The following TTC6 variants were observed in gnomAD, a reference collection of about 807,000 sequenced individuals.
TTC6 encodes tetratricopeptide repeat domain 6.
In TTC6, 172 loss-of-function variants were observed where a neutral mutation model predicts 210.4. The ratio of observed to expected loss-of-function variants is 0.82; its 90% CI spans 0.72 to 0.93. The LOEUF is 0.93. Ranked by LOEUF, TTC6 falls within the 40% of genes least tolerant of loss-of-function variation. The pLI, the probability that TTC6 is intolerant of heterozygous loss-of-function variation, is 0.00. For synonymous variants in TTC6, 804 were observed against 819.6 expected, an observed-to-expected ratio of 0.98 and a Z score of 0.32; for missense variants, 2,414 against 2,318.1, an observed-to-expected ratio of 1.04 and a Z score of -0.85.
At chr14:37,734,682 A>G (rs1365736556) in intron 7 of TTC6, among the ~76,000 whole-genome samples, 1 of 152,072 alleles carries the variant, frequency 6.6e-6, no homozygotes, top group Non-Finnish European at 1.5e-5. Context: ...AATTTCAACA[A>G]TATCTTTGGG....
At chr14:37,694,015 C>CAA (rs2095809686) in intron 3 of TTC6, among the ~76,000 whole-genome samples, 8 of 145,982 alleles carry the variant, frequency 5.5e-5, no homozygotes, top group African/African-American at 1.5e-4. Flanking sequence ...AACAAACAAA[C>CAA]ACTGGGGAAA....
intron 14 of TTC6, among the ~76,000 whole-genome samples, chr14:37,763,126 G>C (rs1372302242): frequency 1.3e-5 from 2 of 151,652 alleles, no homozygotes; most frequent in Admixed American, 1.3e-4. Context: ...CCGACTTCAT[G>C]ATCCGCCTGC....
chr14:37,735,683 G>A (rs1404331631), intron 7 of TTC6, among the ~76,000 whole-genome samples: 1 of 152,122 alleles, frequency 6.6e-6, no homozygotes. Flanking sequence ...AAATAGTGTG[G>A]AAGTAACCAT....
At chr14:37,716,921 G>C (rs1407742811) in intron 6 of TTC6, among the ~76,000 whole-genome samples, 1 of 151,878 alleles carries the variant, frequency 6.6e-6, no homozygotes, top group African/African-American at 2.4e-5. Flanking sequence ...ACTAAAACTA[G>C]AAATCAGTAA....
intron 1 of TTC6, among the ~76,000 whole-genome samples, chr14:37,643,824 G>T (rs2139394296): frequency 6.6e-6 from 1 of 152,276 alleles, no homozygotes; most frequent in Non-Finnish European, 1.5e-5. Flanking sequence ...GGGTTATGAA[G>T]AAAGGAAAGA....
intron 2 of TTC6, among the ~76,000 whole-genome samples, chr14:37,613,703 T>C (rs2095638245): frequency 6.6e-6 from 1 of 152,072 alleles, no homozygotes; most frequent in Non-Finnish European, 1.5e-5. Context: ...TGGTAAGTTG[T>C]AGTTTTCAGA....
intron 14 of TTC6, among the ~76,000 whole-genome samples, chr14:37,763,041 C>T (rs1193525737): frequency 7.0e-6 from 1 of 142,550 alleles, no homozygotes; most frequent in Non-Finnish European, 1.6e-5. Context: ...CCCACCACCA[C>T]ACCCGCCTAA....
chr14:37,658,312 A>AT (rs1277792769), intron 1 of TTC6, among the ~76,000 whole-genome samples: 3 of 152,190 alleles, frequency 2.0e-5, no homozygotes, highest in Admixed American at 6.5e-5. Context: ...GCCAACACTT[A>AT]TTTACATTAC....
chr14:37,707,012 T>C (rs191630899), intron 5 of TTC6, among the ~76,000 whole-genome samples: 6 of 152,210 alleles, frequency 3.9e-5, no homozygotes, highest in Admixed American at 3.9e-4. Flanking sequence ...TTTTCCTTTT[T>C]TGCTTCTTTG....
At chr14:37,649,130 T>C (rs998791606) in intron 1 of TTC6, among the ~76,000 whole-genome samples, 3 of 152,138 alleles carry the variant, frequency 2.0e-5, no homozygotes, top group African/African-American at 7.2e-5. Flanking sequence ...CACAGGTCCC[T>C]TCTAAATTGC....
At position 37,808,816 on chromosome 14, in the gene TTC6, A is replaced by G. The variant is rs370881249; in HGVS notation, c.4539A>G (p.Leu1513=). ...ATACAGCATTTTATAACAGAGCATT[A>G]TGTTACACCAAGATAAGGGAACTTC... Residue 1513 remains leucine (L), a synonymous_variant, in exon 24 of 31, where the codon TTA becomes TTG. Transcript: ENST00000553443. The G allele has an allele frequency of 5.2e-6, 8 of 1,541,398 alleles. No individual in the cohort carries two copies. In the African/African-American group the frequency reaches 5.7e-5, roughly 11 times the overall value.
rs538512650 is a variant in TTC6, at chr14:37,775,801, T to A, written c.3267-11667T>A. Among the ~76,000 whole-genome samples, 17 of 152,318 alleles carry A rather than the reference T, an allele frequency of 1.1e-4. No individual in the cohort carries two copies. In the South Asian group the frequency reaches 3.5e-3, roughly 32 times the overall value. On this transcript the variant is annotated intron_variant, in intron 14 of 30. Transcript: ENST00000553443. ...ACTTGCTTTATGAATCTAGGTCTCC[T>A]ATGTTGGGTGCATATATTTTTAGGA...
intron 6 of TTC6, among the ~76,000 whole-genome samples, chr14:37,723,094 C>T (rs1398986525): frequency 6.6e-6 from 1 of 152,068 alleles, no homozygotes; most frequent in African/African-American, 2.4e-5. Context: ...GATCTTTGGC[C>T]ATTGGGAACT....
intron 29 of TTC6, chr14:37,827,857 C>T (rs997538866): frequency 6.5e-6 from 1 of 153,120 alleles, no homozygotes; most frequent in African/African-American, 2.4e-5. Flanking sequence ...CTTGCCAACC[C>T]TCTGTGTGTT....
At chr14:37,791,303 A>C (rs2096078625) in intron 16 of TTC6, among the ~76,000 whole-genome samples, 1 of 152,184 alleles carries the variant, frequency 6.6e-6, no homozygotes, top group African/African-American at 2.4e-5. Flanking sequence ...CAAAATAAAA[A>C]CACTAATACC....
chr14:37,763,900 G>C (rs986193070), intron 14 of TTC6, among the ~76,000 whole-genome samples: 1 of 151,480 alleles, frequency 6.6e-6, no homozygotes, highest in Non-Finnish European at 1.5e-5. Context: ...TAACGTTACT[G>C]GCTTGAGATC....
At chr14:37,763,452 G>T (rs2095990348) in intron 14 of TTC6, among the ~76,000 whole-genome samples, 1 of 152,010 alleles carries the variant, frequency 6.6e-6, no homozygotes, top group Non-Finnish European at 1.5e-5. Flanking sequence ...GCTTTTCTAT[G>T]TTTTTTGATG....
chr14:37,812,819 C>G lies in TTC6; in HGVS notation c.4689+386C>G, dbSNP rs531062180. On this transcript the variant is annotated intron_variant, in intron 25 of 30. Transcript: ENST00000553443. ...CAAATATAGCAAAATAAATCTGTTT[C>G]AAACAGGGCAGGAAATAGTTACTCA... 9.9e-4 allele frequency among the ~76,000 whole-genome samples: 151 copies of G among 152,130 alleles called. 2 individuals carry two copies. Among genetic ancestry groups the G allele is most frequent in the Non-Finnish European group, 9.7e-4 (66 of 67,986 alleles).
intron 14 of TTC6, among the ~76,000 whole-genome samples, chr14:37,775,515 A>G (rs2096034449): frequency 6.6e-6 from 1 of 152,108 alleles, no homozygotes; most frequent in African/African-American, 2.4e-5. Context: ...AGGTTCTTAA[A>G]TTTCCATGTA....
Sources: allele counts gnomAD v4.1 joint callset (sites outside exome capture counted in the v4.1 genomes callset), GRCh38; gene constraint gnomAD v4.1.1; transcripts MANE v1.5; gene names NCBI Gene and HGNC (gene_info 2026-07-23, HGNC 2026-07-21).